The following DCDC2 variants were observed in gnomAD, a reference collection of about 807,000 sequenced individuals.
DCDC2 encodes doublecortin domain containing 2, also known as doublecortin domain-containing protein 2.
DCDC2 carries 40 observed loss-of-function variants against 50.2 expected under a neutral mutation model. The ratio of observed to expected loss-of-function variants is 0.80; its 90% CI spans 0.62 to 1.04. The LOEUF (loss-of-function observed/expected upper bound fraction) is 1.04. Among genes scored for constraint, DCDC2 ranks in the 50% least tolerant of loss-of-function variants. The probability of loss-of-function intolerance (pLI) is 0.00; values close to 1 mark genes in which losing one functional copy is unlikely to be tolerated. For synonymous variants in DCDC2, 234 were observed against 210.6 expected (o/e 1.11, Z -0.96); for missense variants, 570 against 581.9 (o/e 0.98, Z 0.21).
intron 7 of DCDC2, among the ~76,000 whole-genome samples, chr6:24,226,645 G>A (rs551932754): frequency 9.2e-5 from 14 of 152,356 alleles, no homozygotes; most frequent in South Asian, 4.1e-4. Flanking sequence ...AGTGGAGGCA[G>A]ACAACCCCTT....
chr6:24,357,880 G>A lies in DCDC2; in HGVS notation c.-130C>T, dbSNP rs1581670203. On this transcript the variant is annotated 5_prime_UTR_variant, in exon 1 of 10. Transcript: ENST00000378454. ...GAACGAGAAACTGACGAATCCACAGGTGAAAGAGAAGTAACGGCCGTGCGC... is the reference window on the plus strand; with the variant it reads ...GAACGAGAAACTGACGAATCCACAGATGAAAGAGAAGTAACGGCCGTGCGC... 6.4e-7 allele frequency: 1 copy of A among 1,564,738 alleles called. No individual in the cohort carries two copies. Among genetic ancestry groups the A allele is most frequent in the Non-Finnish European group, 8.7e-7 (1 of 1,154,568 alleles).
chr6:24,215,535 G>C (rs1007795127), intron 7 of DCDC2, among the ~76,000 whole-genome samples: 1 of 152,138 alleles, frequency 6.6e-6, no homozygotes, highest in African/African-American at 2.4e-5. Flanking sequence ...AGCCACCTAG[G>C]ACTGATATTG....
chr6:24,326,178 GAAGGAAGGAAGGAAGA>G (rs1759856806), intron 2 of DCDC2, among the ~76,000 whole-genome samples: 1 of 143,612 alleles, frequency 7.0e-6, no homozygotes, highest in Non-Finnish European at 1.5e-5. Flanking sequence ...AGGAAGGAAG[GAAGGAAGGAAGGAAGA>G]AAGGAAGGAA....
chr6:24,232,262 T>C (rs1265629719), intron 7 of DCDC2, among the ~76,000 whole-genome samples: 1 of 152,202 alleles, frequency 6.6e-6, no homozygotes, highest in Non-Finnish European at 1.5e-5. Context: ...ATTTTAACTA[T>C]AGCATAATAA....
At position 24,179,647 on chromosome 6, in the gene DCDC2, T is replaced by C. The variant is rs185199862; in HGVS notation, c.1024-1015A>G. The stretch of plus-strand genomic sequence containing the variant: ...TGTTCTACTGTTATTTTGATACACA[T>C]AAATCTGCTTCAAGAGGGAACAGGA... On this transcript the variant is annotated intron_variant, in intron 8 of 9. Coordinates refer to ENST00000378454, the MANE Select transcript of DCDC2 (RefSeq NM_016356.5). 2.1e-3 allele frequency among the ~76,000 whole-genome samples: 311 copies of C among 145,452 alleles called. 3 individuals are homozygous for C. The highest frequency in any genetic ancestry group is 7.4e-3 in the African/African-American group (290 of 39,308).
chr6:24,231,998 T>TAC (rs1187961861), intron 7 of DCDC2, among the ~76,000 whole-genome samples: 2 of 63,072 alleles, frequency 3.2e-5, no homozygotes, highest in Non-Finnish European at 6.9e-5. Context: ...TAATTTCATA[T>TAC]ATATATACAC....
intron 2 of DCDC2, among the ~76,000 whole-genome samples, chr6:24,306,765 A>C (rs988493366): frequency 6.6e-6 from 1 of 152,196 alleles, no homozygotes; most frequent in Non-Finnish European, 1.5e-5. Flanking sequence ...ATGACCATAC[A>C]AAAATAAAAT....
chr6:24,205,311 G>A, intron 7 of DCDC2: 1 of 1,536,212 alleles, frequency 6.5e-7, no homozygotes, highest in Non-Finnish European at 8.8e-7. Context: ...GTCAAAACAA[G>A]GCTGACCCAG....
chr6:24,340,980 C>A (rs954993690), intron 2 of DCDC2, among the ~76,000 whole-genome samples: 2 of 152,194 alleles, frequency 1.3e-5, no homozygotes, highest in Non-Finnish European at 2.9e-5. Flanking sequence ...CCTGCCTTGG[C>A]CTCCCAAAGT....
chr6:24,382,095 C>T, the DCDC2 span, among the ~76,000 whole-genome samples: 1 of 152,074 alleles, frequency 6.6e-6, no homozygotes, highest in African/African-American at 2.4e-5. Flanking sequence ...TTTCATAAAA[C>T]TGGGCAAGCT....
intron 2 of DCDC2, among the ~76,000 whole-genome samples, chr6:24,337,511 G>C (rs1193472779): frequency 6.6e-6 from 1 of 151,946 alleles, no homozygotes; most frequent in Admixed American, 6.6e-5. Context: ...AGAGTATTAA[G>C]AGCCAGGCAC....
At chr6:24,355,654 C>T (rs1760453776) in intron 1 of DCDC2, among the ~76,000 whole-genome samples, 1 of 152,096 alleles carries the variant, frequency 6.6e-6, no homozygotes, top group South Asian at 2.1e-4. Context: ...TTTTAAGTTT[C>T]CTTTAAGCAT....
chr6:24,291,214 C>A, intron 4 of DCDC2, 136 bp from the exon 5 acceptor site: 2 of 848,740 alleles, frequency 2.4e-6, no homozygotes, highest in Non-Finnish European at 3.6e-6. Context: ...TAATTTAGCT[C>A]ATTTGTTACT....
chr6:24,335,311 C>T (rs906588537), intron 2 of DCDC2, among the ~76,000 whole-genome samples: 1 of 152,150 alleles, frequency 6.6e-6, no homozygotes, highest in Non-Finnish European at 1.5e-5. Context: ...ACTAAAGAGA[C>T]TTGAGGTTGC....
chr6:24,371,221 G>A, the DCDC2 span, among the ~76,000 whole-genome samples: 59 of 149,576 alleles, frequency 3.9e-4, no homozygotes, highest in African/African-American at 1.4e-3. Flanking sequence ...AGGTTGCAGT[G>A]AGCCGAGATC....
intron 7 of DCDC2, among the ~76,000 whole-genome samples, chr6:24,226,758 A>C (rs1245713640): frequency 1.3e-5 from 2 of 152,268 alleles, no homozygotes; most frequent in Non-Finnish European, 2.9e-5. Context: ...TAGACCGAAC[A>C]GTATCCTGTG....
intron 7 of DCDC2, among the ~76,000 whole-genome samples, chr6:24,274,605 CAAAAAAAAAAAAA>C (rs61569208): frequency 1.6e-4 from 13 of 82,408 alleles, no homozygotes; most frequent in African/African-American, 2.3e-4. Context: ...GAAACAGAGT[CAAAAAAAAAAAAA>C]AAAAAAAAAA....
At chr6:24,186,822 T>A (rs1002757855) in intron 8 of DCDC2, among the ~76,000 whole-genome samples, 1 of 152,188 alleles carries the variant, frequency 6.6e-6, no homozygotes, top group African/African-American at 2.4e-5. Flanking sequence ...ACAATTATTA[T>A]GTCGAAGTCT....
chr6:24,236,975 C>T (rs1291721096), intron 7 of DCDC2, among the ~76,000 whole-genome samples: 1 of 151,768 alleles, frequency 6.6e-6, no homozygotes, highest in East Asian at 1.9e-4. Context: ...CACAATTGCA[C>T]TCCAGCCTGG....
Sources: allele counts gnomAD v4.1 joint callset (sites outside exome capture counted in the v4.1 genomes callset), GRCh38; gene constraint gnomAD v4.1.1; transcripts MANE v1.5; gene names NCBI Gene and HGNC (gene_info 2026-07-23, HGNC 2026-07-21).